PATJ: variants seen among roughly 807,000 people sequenced by gnomAD.
PATJ encodes the protein inaD-like protein.
A neutral mutation model predicts 224.9 loss-of-function variants in PATJ; 190 were observed. That is an observed-to-expected ratio of 0.84 (90% CI 0.75 to 0.95). The LOEUF (loss-of-function observed/expected upper bound fraction) is 0.95, where lower values mean the gene tolerates loss of function less well. PATJ is among the 40% of genes least tolerant of loss of function. The pLI is 0.00. For missense variants in PATJ, 2,121 were observed against 2,270.3 expected (o/e 0.93, Z 1.34); for synonymous variants, 769 against 820.3 (o/e 0.94, Z 1.07).
intron 26 of PATJ, among the ~76,000 whole-genome samples, chr1:61,922,150 C>T (rs975581214): frequency 3.3e-5 from 5 of 152,144 alleles, no homozygotes; most frequent in Non-Finnish European, 5.9e-5. Context: ...TCAAGCAAAT[C>T]TCCTGCCTCA....
At position 61,990,344 on chromosome 1, in the gene PATJ, A is replaced by G. The variant is rs763651899; in HGVS notation, c.3847A>G (p.Ile1283Val). 1.6e-5 allele frequency: 26 copies of G among 1,612,784 alleles called. No individual in the cohort carries two copies. Among genetic ancestry groups the G allele is most frequent in the South Asian group, 2.2e-5 (2 of 90,554 alleles). ...GPAAADGRMRIGDELLEINNQ... is the reference protein window; with the variant it reads ...GPAAADGRMRVGDELLEINNQ... ...TGCTGCCGCAGATGGACGAATGCGT[A>G]TTGGAGATGAACTCTTAGAGGTGAG... Residue 1283 changes from isoleucine to valine, a missense_variant, in exon 28 of 44, where the codon ATT becomes GTT. By Grantham distance (29) the Ile-to-Val change is conservative. Coordinates refer to ENST00000642238, the MANE Select transcript of PATJ (RefSeq NM_001350145.3).
intron 13 of PATJ, among the ~76,000 whole-genome samples, chr1:61,805,788 T>C (rs1056537478): frequency 6.6e-6 from 1 of 152,212 alleles, no homozygotes. Context: ...AAGTCGACAA[T>C]AGACAGAAAA....
chr1:61,821,755 C>T (rs150203208), intron 14 of PATJ, among the ~76,000 whole-genome samples: 157 of 152,230 alleles, frequency 1.0e-3, no homozygotes, highest in Admixed American at 2.0e-3. Context: ...AGGTATCAGA[C>T]TATTGATACA....
At chr1:62,011,628 A>G (rs1350246045) in intron 28 of PATJ, among the ~76,000 whole-genome samples, 1 of 152,088 alleles carries the variant, frequency 6.6e-6, no homozygotes, top group East Asian at 1.9e-4. Context: ...AATTACCCAA[A>G]TGTGACACAG....
intron 41 of PATJ, among the ~76,000 whole-genome samples, chr1:62,133,745 CT>C (rs113938436): frequency 0.026 from 3,120 of 121,148 alleles, 86 homozygotes; most frequent in African/African-American, 0.084. Flanking sequence ...CAAGAATTTG[CT>C]TTTTTTTTTT....
intron 22 of PATJ, among the ~76,000 whole-genome samples, chr1:61,892,568 A>T (rs1261856775): frequency 1.3e-5 from 2 of 152,132 alleles, no homozygotes; most frequent in Non-Finnish European, 2.9e-5. Context: ...AATAAAACAC[A>T]TTGTTTCAAT....
rs769605018 is a variant in PATJ, at chr1:61,990,335, C to T, written c.3838C>T (p.Arg1280Ter). 8.7e-6 allele frequency: 14 copies of T among 1,612,504 alleles called. No individual in the cohort carries two copies. Among genetic ancestry groups the T allele is most frequent in the Admixed American group, 1.7e-5 (1 of 59,690 alleles). Residue 1280 changes from arginine to a stop codon, truncating the protein, a stop_gained, in exon 28 of 44, where the codon CGA becomes TGA. Coordinates refer to ENST00000642238, the MANE Select transcript of PATJ (RefSeq NM_001350145.3). LOFTEE classifies it high-confidence loss of function. ...GGAAGGACCTGCTGCCGCAGATGGA[C>T]GAATGCGTATTGGAGATGAACTCTT... ...NPEGPAAADG[R>*]MRIGDELLEI... is the part of the protein sequence containing the mutation.
chr1:61,895,936 C>T (rs1284577429), intron 22 of PATJ, among the ~76,000 whole-genome samples: 4 of 152,204 alleles, frequency 2.6e-5, no homozygotes, highest in Non-Finnish European at 4.4e-5. Context: ...CTTGGGAGTC[C>T]ACCCCTTGAA....
intron 6 of PATJ, among the ~76,000 whole-genome samples, chr1:61,772,993 T>A (rs889236808): frequency 6.6e-6 from 1 of 152,182 alleles, no homozygotes; most frequent in African/African-American, 2.4e-5. Context: ...AGATAGTAGA[T>A]GTTCTAGACA....
At chr1:61,979,090 C>A (rs1387796893) in intron 27 of PATJ, among the ~76,000 whole-genome samples, 1 of 152,096 alleles carries the variant, frequency 6.6e-6, no homozygotes, top group African/African-American at 2.4e-5. Flanking sequence ...ATGTTTAAAA[C>A]AAGCATGAGT....
In PATJ at chr1:61,771,518, A is replaced by G; in HGVS notation, c.612A>G (p.Ala204=). The change falls in exon 6 of 44, where the codon GCA becomes GCG. Residue 204 remains alanine, a synonymous_variant. Coordinates refer to ENST00000642238, the MANE Select transcript of PATJ (RefSeq NM_001350145.3). ...ACATTTCCCATCAGCAAGCAATTGC[A>G]TTATTACAACAAACCACTGGATCTT... ...DQNISHQQAI[A]LLQQTTGSLR... 10 of 1,613,310 alleles carry G rather than the reference A, an allele frequency of 6.2e-6. No homozygotes were observed. Among genetic ancestry groups the G allele is most frequent in the Non-Finnish European group, 8.5e-6 (10 of 1,179,676 alleles).
intron 31 of PATJ, 33 bp from the exon 32 acceptor site, chr1:62,079,417 T>C: frequency 1.6e-6 from 2 of 1,277,152 alleles, no homozygotes; most frequent in Non-Finnish European, 2.3e-6. Flanking sequence ...TTTCTCCTTT[T>C]TGATATTCAT....
At chr1:61,899,006 C>T (rs1377881995) in intron 22 of PATJ, among the ~76,000 whole-genome samples, 4 of 151,980 alleles carry the variant, frequency 2.6e-5, no homozygotes, top group Admixed American at 2.6e-4. Flanking sequence ...TAGTACTATA[C>T]TAACTTAACT....
chr1:61,986,244 A>G (rs1644748574), intron 27 of PATJ, among the ~76,000 whole-genome samples: 1 of 152,044 alleles, frequency 6.6e-6, no homozygotes, highest in African/African-American at 2.4e-5. Context: ...GTAGTTCATT[A>G]CAGTTTTACA....
chr1:61,964,317 G>A (rs11804927), intron 27 of PATJ, among the ~76,000 whole-genome samples: 26,698 of 151,726 alleles, frequency 0.18, 2,518 homozygotes, highest in Non-Finnish European at 0.21. Context: ...CCTGACCTCA[G>A]GTAAACCTCC....
chr1:62,004,313 C>T (rs1354519272), intron 28 of PATJ, among the ~76,000 whole-genome samples: 1 of 152,090 alleles, frequency 6.6e-6, no homozygotes, highest in Admixed American at 6.6e-5. Flanking sequence ...ATGAAAATTC[C>T]TGTATCCTCA....
At chr1:61,846,996 G>T (rs1482882931) in intron 17 of PATJ, among the ~76,000 whole-genome samples, 1 of 152,206 alleles carries the variant, frequency 6.6e-6, no homozygotes, top group Non-Finnish European at 1.5e-5. Context: ...AAGGATAGTT[G>T]TATGATTTGT....
In PATJ at chr1:62,043,444, A is replaced by G. The variant is rs147810353; in HGVS notation, c.4032+5395A>G. Among the ~76,000 whole-genome samples, 950 of 152,254 alleles carry G rather than the reference A, an allele frequency of 6.2e-3. 10 individuals are homozygous for G. Among genetic ancestry groups the G allele is most frequent in the South Asian group, 0.042 (201 of 4,816 alleles). On this transcript the variant is annotated intron_variant, in intron 30 of 43. Transcript: ENST00000642238. ...TAAACTTCAATTCCTCACATTTAAA[A>G]TGGGTTTGATAATAATAATTAATTC...
intron 21 of PATJ, 119 bp downstream of exon 21, chr1:61,875,485 T>A: frequency 1.3e-6 from 1 of 745,434 alleles, no homozygotes; most frequent in Non-Finnish European, 2.1e-6. Flanking sequence ...TTTGAATTTA[T>A]GTCTGCTTAA....
Sources: allele counts gnomAD v4.1 joint callset (sites outside exome capture counted in the v4.1 genomes callset), GRCh38; gene constraint gnomAD v4.1.1; transcripts MANE v1.5; gene names NCBI Gene and HGNC (gene_info 2026-07-23, HGNC 2026-07-21).